Variants in CCNY observed in about 807,000 individuals in gnomAD.
CCNY encodes cyclin Y, also known as cyclin-Y.
A neutral mutation model predicts 42.8 loss-of-function variants in CCNY; 19 were observed. The observed-to-expected ratio is 0.44, with a 90% CI of 0.31 to 0.65. The LOEUF (loss-of-function observed/expected upper bound fraction) is 0.65. Among genes scored for constraint, CCNY ranks in the 30% least tolerant of loss-of-function variants. CCNY has a pLI of 0.07. For missense variants in CCNY, 370 were observed against 437.3 expected, an observed-to-expected ratio of 0.85 and a Z score of 1.37; for synonymous variants, 165 against 162.7, an observed-to-expected ratio of 1.01 and a Z score of -0.11.
chr10:35,363,934 G>C (rs1836756129), intron 1 of CCNY, among the ~76,000 whole-genome samples: 1 of 152,216 alleles, frequency 6.6e-6, no homozygotes, highest in African/African-American at 2.4e-5. Context: ...GATTGGCTCT[G>C]AGGAGGGACA....
In CCNY at chr10:35,548,555, C is replaced by T. The variant is rs188120333; in HGVS notation, c.580-4464C>T. Among the ~76,000 whole-genome samples, 665 of 152,160 alleles carry T rather than the reference C, an allele frequency of 4.4e-3. 7 individuals are homozygous for T. The highest frequency in any genetic ancestry group is 0.015 in the African/African-American group (622 of 41,514). Reference sequence around the variant, plus strand: ...TTGTGATCTGCCCACCTTGGCCTCCCGACGTGCTGGGATTACAGGCTTGAG... The same window carrying T: ...TTGTGATCTGCCCACCTTGGCCTCCTGACGTGCTGGGATTACAGGCTTGAG... On this transcript the variant is annotated intron_variant, in intron 7 of 9. Transcript: ENST00000374704.
intron 1 of CCNY, among the ~76,000 whole-genome samples, chr10:35,348,887 T>G (rs959199572): frequency 1.4e-5 from 2 of 142,756 alleles, no homozygotes; most frequent in Admixed American, 6.9e-5. Flanking sequence ...CTAAGTTGGG[T>G]TTTTTTTTTT....
chr10:35,396,287 G>A (rs1028213340), intron 1 of CCNY, among the ~76,000 whole-genome samples: 3 of 152,190 alleles, frequency 2.0e-5, no homozygotes, highest in African/African-American at 7.2e-5. Context: ...TCTCTCAACA[G>A]GTCATTTCAT....
chr10:35,396,109 G>A (rs898230119), intron 1 of CCNY, among the ~76,000 whole-genome samples: 4 of 152,176 alleles, frequency 2.6e-5, no homozygotes, highest in African/African-American at 7.2e-5. Flanking sequence ...CCAGCATGGC[G>A]TTTTGCACAT....
chr10:35,495,611 C>A (rs996503797), intron 2 of CCNY, among the ~76,000 whole-genome samples: 1 of 152,116 alleles, frequency 6.6e-6, no homozygotes, highest in African/African-American at 2.4e-5. Context: ...CCTCTGTGCC[C>A]AGATTTCGAA....
chr10:35,389,749 T>G (rs1837373560), intron 1 of CCNY, among the ~76,000 whole-genome samples: 1 of 152,208 alleles, frequency 6.6e-6, no homozygotes, highest in Non-Finnish European at 1.5e-5. Flanking sequence ...GAATTGTGAC[T>G]CTTAAAGTAG....
intron 1 of CCNY, among the ~76,000 whole-genome samples, chr10:35,397,208 A>G (rs957069122): frequency 6.6e-6 from 1 of 152,206 alleles, no homozygotes; most frequent in African/African-American, 2.4e-5. Context: ...AAACAAAACA[A>G]AAGTGTTGAA....
At chr10:35,356,690 G>T (rs1836557665) in intron 1 of CCNY, among the ~76,000 whole-genome samples, 2 of 152,094 alleles carry the variant, frequency 1.3e-5, no homozygotes, top group African/African-American at 2.4e-5. Context: ...ACCTAATAGG[G>T]AAAAAAGACT....
At chr10:35,369,921 G>A (rs542890697) in intron 1 of CCNY, among the ~76,000 whole-genome samples, 2 of 152,164 alleles carry the variant, frequency 1.3e-5, no homozygotes, top group African/African-American at 4.8e-5. Flanking sequence ...AAGGTGACCT[G>A]TTTATTCTCT....
intron 7 of CCNY, among the ~76,000 whole-genome samples, chr10:35,532,335 T>C (rs1018392566): frequency 6.6e-6 from 1 of 152,202 alleles, no homozygotes; most frequent in Admixed American, 6.5e-5. Context: ...TCACTGGGCA[T>C]GTGTTTGGCA....
chr10:35,344,796 A>G (rs922197855), intron 1 of CCNY, among the ~76,000 whole-genome samples: 60 of 152,024 alleles, frequency 3.9e-4, no homozygotes, highest in Middle Eastern at 3.4e-3. Context: ...TCATTGTTCA[A>G]TTCCCACCTA....
At chr10:35,343,792 A>G (rs1742948982) in intron 1 of CCNY, among the ~76,000 whole-genome samples, 2 of 152,230 alleles carry the variant, frequency 1.3e-5, no homozygotes, top group South Asian at 4.1e-4. Flanking sequence ...AAGAAGCAGG[A>G]TATGTGTGTG....
chr10:35,447,074 G>A (rs950432555), intron 1 of CCNY, among the ~76,000 whole-genome samples: 25 of 152,150 alleles, frequency 1.6e-4, no homozygotes, highest in Admixed American at 1.0e-3. Context: ...TCAGGAGATC[G>A]AGACCATCCT....
chr10:35,429,141 C>T (rs1838331137), intron 1 of CCNY, among the ~76,000 whole-genome samples: 1 of 152,164 alleles, frequency 6.6e-6, no homozygotes, highest in South Asian at 2.1e-4. Context: ...TATTCTTTGA[C>T]TTTGTGATTT....
intron 1 of CCNY, among the ~76,000 whole-genome samples, chr10:35,460,422 C>T (rs1408847820): frequency 6.6e-6 from 1 of 151,222 alleles, no homozygotes; most frequent in Non-Finnish European, 1.5e-5. Flanking sequence ...CTTCCCTGGG[C>T]CACATTGGAA....
rs1481246963 is a variant in CCNY at position 35,511,315 on chromosome 10, G to C, written c.265-5208G>C. On this transcript the variant is annotated intron_variant, in intron 3 of 9. Transcript: ENST00000374704. ...GCAGTCTAGACCCCGGAGACATATA[G>C]AAAAGTGAGCCAGAAATGACAATGG... is the stretch of plus-strand genomic sequence containing the variant. Among the ~76,000 whole-genome samples the C allele has an allele frequency of 2.0e-5, 3 of 152,144 alleles. No individual in the cohort carries two copies. In the East Asian group the frequency reaches 5.8e-4, roughly 29 times the overall value.
intron 3 of CCNY, among the ~76,000 whole-genome samples, chr10:35,251,281 C>G (rs956920336): frequency 1.3e-5 from 2 of 152,016 alleles, no homozygotes; most frequent in Admixed American, 6.6e-5. Flanking sequence ...TACATATGAG[C>G]AAATATAATA....
chr10:35,287,454 A>G (rs1390477050), intron 3 of CCNY, among the ~76,000 whole-genome samples: 1 of 152,216 alleles, frequency 6.6e-6, no homozygotes, highest in African/African-American at 2.4e-5. Flanking sequence ...GAATATTTCT[A>G]TCACCCCTAA....
rs773886027 is a variant in CCNY, at chr10:35,266,249, CTTTTT to C, written c.-9+15641_-9+15645del. Among the ~76,000 whole-genome samples the C allele has an allele frequency of 5.2e-3, 574 of 110,124 alleles. 2 individuals carry two copies. Among genetic ancestry groups the C allele is most frequent in the African/African-American group, 0.019 (555 of 29,410 alleles). 72.2% of individuals were successfully genotyped at this position (110,124 alleles called of 152,430 possible). A position where few individuals can be genotyped will look rare whatever the true frequency, so the allele number is the denominator to read the frequency against. On this transcript the variant is annotated intron_variant, in intron 3 of 11. Transcript: ENST00000374706. ...TGCGCTACCATGCCCGGCTAATTTCCTTTTTTTTTTTTTTTTTTTTTTGTATTTTT... is the reference window on the plus strand; with the variant it reads ...TGCGCTACCATGCCCGGCTAATTTCCTTTTTTTTTTTTTTTTTGTATTTTT...
Sources: allele counts gnomAD v4.1 joint callset (sites outside exome capture counted in the v4.1 genomes callset), GRCh38; gene constraint gnomAD v4.1.1; transcripts MANE v1.5; gene names NCBI Gene and HGNC (gene_info 2026-07-23, HGNC 2026-07-21).